The following FAM185A variants were observed in gnomAD, a reference collection of about 807,000 sequenced individuals.
FAM185A encodes the protein family with sequence similarity 185 member A, also known as protein FAM185A.
A neutral mutation model predicts 45.7 loss-of-function variants in FAM185A; 21 were observed. That is an observed-to-expected ratio of 0.46 (90% CI 0.33 to 0.66). The LOEUF is 0.66. FAM185A is among the 30% of genes least tolerant of loss of function. The pLI is 0.03. For missense variants in FAM185A, 305 were observed against 485.4 expected, an observed-to-expected ratio of 0.63 and a Z score of 3.49; for synonymous variants, 117 against 194.0, an observed-to-expected ratio of 0.60 and a Z score of 3.30.
chr7:102,759,428 G>GT lies in FAM185A; in HGVS notation c.654+1489dup, dbSNP rs527857855. On this transcript the variant is annotated intron_variant, in intron 3 of 7. Coordinates refer to ENST00000413034, the MANE Select transcript of FAM185A (RefSeq NM_001145268.2). ...TTATGTACTAAAGAATCAGTCTAGGGTTTTTTTCCTATTTTTATTACATAT... is the reference window on the plus strand; with the variant it reads ...TTATGTACTAAAGAATCAGTCTAGGGTTTTTTTTCCTATTTTTATTACATAT... Among the ~76,000 whole-genome samples the GT allele has an allele frequency of 9.2e-5, 14 of 151,926 alleles. No homozygotes were observed. In the South Asian group the frequency reaches 2.1e-3, roughly 23 times the overall value.
chr7:102,809,955 T>G (rs1219195917), downstream of FAM185A, among the ~76,000 whole-genome samples: 1 of 152,082 alleles, frequency 6.6e-6, no homozygotes, highest in Non-Finnish European at 1.5e-5. Context: ...AAAGTGTGGG[T>G]ATCTTCCCCG....
intron 7 of FAM185A, 27 bp from the exon 8 acceptor site, chr7:102,808,263 A>G (rs1797251254): frequency 7.0e-7 from 1 of 1,433,116 alleles, no homozygotes; most frequent in Non-Finnish European, 9.6e-7. Flanking sequence ...TGCTCTTGAT[A>G]TAATTTTATG....
At chr7:102,839,083 C>G in the FAM185A span, among the ~76,000 whole-genome samples, 1 of 152,254 alleles carries the variant, frequency 6.6e-6, no homozygotes, top group Non-Finnish European at 1.5e-5. Context: ...AGGAGAAAAA[C>G]CGCCCTATGG....
chr7:102,772,682 AAAG>A (rs1262994416), intron 5 of FAM185A, among the ~76,000 whole-genome samples: 1 of 152,002 alleles, frequency 6.6e-6, no homozygotes, highest in Non-Finnish European at 1.5e-5. Context: ...AAGAAAAAAA[AAAG>A]AAAAGAAAGA....
intron 3 of FAM185A, among the ~76,000 whole-genome samples, chr7:102,760,291 C>T (rs919773331): frequency 1.3e-5 from 2 of 151,742 alleles, no homozygotes; most frequent in Non-Finnish European, 2.9e-5. Flanking sequence ...TATAGCAATA[C>T]CTCTGTCAGG....
the FAM185A span, among the ~76,000 whole-genome samples, chr7:102,831,797 A>G: frequency 6.6e-6 from 1 of 151,900 alleles, no homozygotes; most frequent in Non-Finnish European, 1.5e-5. Context: ...TGTTGCTCTT[A>G]TCTCCTCTCC....
At chr7:102,814,699 C>T in the FAM185A span, among the ~76,000 whole-genome samples, 3,750 of 152,244 alleles carry the variant, frequency 0.025, 165 homozygotes, top group African/African-American at 0.086. Context: ...TTTGGAGCCA[C>T]CAATCCCTAT....
intron 6 of FAM185A, among the ~76,000 whole-genome samples, chr7:102,784,140 G>C (rs1795613854): frequency 6.6e-6 from 1 of 151,912 alleles, no homozygotes; most frequent in Admixed American, 6.6e-5. Context: ...CCAGGAAGAA[G>C]TTGAATCTCT....
chr7:102,823,082 A>G, the FAM185A span, among the ~76,000 whole-genome samples: 3 of 152,106 alleles, frequency 2.0e-5, no homozygotes, highest in Non-Finnish European at 4.4e-5. Flanking sequence ...CCCACCCCCC[A>G]CACAAAAAAA....
the FAM185A span, among the ~76,000 whole-genome samples, chr7:102,848,420 G>C: frequency 4.0e-5 from 4 of 100,078 alleles, 1 homozygote; most frequent in South Asian, 6.5e-4. Flanking sequence ...GCCGGGCGTA[G>C]TGGCGGGCGC....
At chr7:102,817,280 C>T in the FAM185A span, among the ~76,000 whole-genome samples, 2 of 152,038 alleles carry the variant, frequency 1.3e-5, no homozygotes, top group Non-Finnish European at 2.9e-5. Flanking sequence ...TATTTTTTGA[C>T]TTTTTAATAA....
chr7:102,850,303 T>C, the FAM185A span, among the ~76,000 whole-genome samples: 1 of 152,054 alleles, frequency 6.6e-6, no homozygotes, highest in African/African-American at 2.4e-5. Context: ...ATACTTAACA[T>C]CAAACTTTGG....
At chr7:102,757,691 T>C (rs1394089670) in intron 2 of FAM185A, among the ~76,000 whole-genome samples, 163 bp from the exon 3 acceptor site, 1 of 152,222 alleles carries the variant, frequency 6.6e-6, no homozygotes, top group Non-Finnish European at 1.5e-5. Flanking sequence ...TGACATTTTT[T>C]TCCAGTTGAT....
At chr7:102,850,161 A>G in the FAM185A span, among the ~76,000 whole-genome samples, 1 of 152,318 alleles carries the variant, frequency 6.6e-6, no homozygotes, top group East Asian at 1.9e-4. Flanking sequence ...TAGTTACCAA[A>G]TGGGTAAATG....
intron 2 of FAM185A, among the ~76,000 whole-genome samples, chr7:102,754,658 A>T (rs1298802676): frequency 3.3e-5 from 5 of 152,254 alleles, no homozygotes; most frequent in Non-Finnish European, 7.3e-5. Context: ...AGCTAAAAAA[A>T]ATTGAGCTGG....
the FAM185A span, among the ~76,000 whole-genome samples, chr7:102,831,394 G>GACACACACACACAC: frequency 1.1e-4 from 16 of 141,568 alleles, no homozygotes; most frequent in African/African-American, 3.7e-4. Flanking sequence ...CAGTGCCCGG[G>GACACACACACACAC]ACACACACAC....
chr7:102,804,865 C>T (rs1797016568), intron 7 of FAM185A, among the ~76,000 whole-genome samples: 1 of 152,010 alleles, frequency 6.6e-6, no homozygotes, highest in African/African-American at 2.4e-5. Context: ...AAAAAGTGGC[C>T]TAAGGACATG....
intron 6 of FAM185A, among the ~76,000 whole-genome samples, chr7:102,781,097 A>G (rs1584321877): frequency 6.6e-6 from 1 of 152,290 alleles, no homozygotes; most frequent in East Asian, 1.9e-4. Context: ...ACAGCAAGGC[A>G]GCAGCGAGGC....
chr7:102,765,642 G>C (rs1794343457), intron 4 of FAM185A, among the ~76,000 whole-genome samples: 1 of 152,114 alleles, frequency 6.6e-6, no homozygotes, highest in Non-Finnish European at 1.5e-5. Context: ...TTTATCCTAA[G>C]TGTTTTTTCA....
Sources: gnomAD v4.1 joint callset for allele counts (sites outside exome capture counted in the v4.1 genomes callset) on GRCh38, gnomAD v4.1.1 for gene constraint, MANE v1.5 for transcripts, NCBI Gene and HGNC (gene_info 2026-07-23, HGNC 2026-07-21) for gene names.